The following PABPC1L variants were observed in gnomAD, a reference collection of about 807,000 sequenced individuals.
PABPC1L encodes polyadenylate-binding protein 1-like.
Under a neutral mutation model 66.6 loss-of-function variants are expected in PABPC1L, and 31 were observed. The ratio of observed to expected loss-of-function variants is 0.47; its 90% CI spans 0.35 to 0.63. The LOEUF (loss-of-function observed/expected upper bound fraction) is 0.63. Among genes scored for constraint, PABPC1L ranks in the 20% least tolerant of loss-of-function variants. The pLI is 0.00. For synonymous variants in PABPC1L, 348 were observed against 335.1 expected (o/e 1.04, Z -0.42); for missense variants, 722 against 848.8 (o/e 0.85, Z 1.86).
intron 12 of PABPC1L, among the ~76,000 whole-genome samples, chr20:44,937,657 C>T (rs1258675636): frequency 6.6e-6 from 1 of 152,188 alleles, no homozygotes; most frequent in Admixed American, 6.5e-5. Flanking sequence ...TCAGGTGATC[C>T]ACCCACCTCA....
In PABPC1L at chr20:44,919,185, A is replaced by G; in HGVS notation, c.646A>G (p.Lys216Glu). 1.9e-6 allele frequency: 3 copies of G among 1,614,134 alleles called. No homozygotes were observed. Among genetic ancestry groups the G allele is most frequent in the Non-Finnish European group, 2.5e-6 (3 of 1,180,028 alleles). Residue 216 changes from lysine (K) to glutamate (E), a missense_variant and splice_region_variant, in exon 5 of 15, where the codon AAA (lysine) becomes GAA (glutamate). Lys to Glu is a moderately conservative substitution (Grantham distance 56, BLOSUM62 1). Coordinates refer to ENST00000217073, the MANE Select transcript of PABPC1L (RefSeq NM_001372179.1). ...GLQDLFSQFG[K>E]MLSVKVMRDN... ...TGAGCCAGGTTGGTCCTTTGCAGGG[A>G]AAATGCTGAGTGTGAAGGTGATGAG...
At chr20:44,911,765 AGT>A (rs1198889667) in intron 1 of PABPC1L, among the ~76,000 whole-genome samples, 1 of 152,162 alleles carries the variant, frequency 6.6e-6, no homozygotes, top group Non-Finnish European at 1.5e-5. Context: ...CTGTGAATGA[AGT>A]GGGACTCGGC....
chr20:44,938,831 G>C lies in PABPC1L; in HGVS notation c.*6+83G>C, dbSNP rs371115482. 1.7e-4 allele frequency: 230 copies of C among 1,344,120 alleles called. 1 individual carries two copies. The highest frequency in any genetic ancestry group is 1.1e-3 in the Admixed American group (54 of 50,158). 83.3% of individuals were successfully genotyped at this position (1,344,120 alleles called of 1,614,324 possible). A position where few individuals can be genotyped will look rare whatever the true frequency, so the allele number is the denominator to read the frequency against. On this transcript the variant is annotated intron_variant, in intron 14 of 14. Coordinates refer to ENST00000217073, the MANE Select transcript of PABPC1L (RefSeq NM_001372179.1). ...AGGGACTGACTTTCACAAACACTGA[G>C]AATTGCGCCGTGTTCCTGGCTTTCT...
rs1274514424 is a variant in PABPC1L at position 44,910,136 on chromosome 20, T to G, written c.-8T>G. ...TGCTTGCCCCGCAGCCCCGGCCCCC[T>G]GCCCACCATGAACGCCAGCGGTTCT... On this transcript the variant is annotated 5_prime_UTR_variant, in exon 1 of 15. Coordinates refer to ENST00000217073, the MANE Select transcript of PABPC1L (RefSeq NM_001372179.1). 11 of 1,554,754 alleles carry G rather than the reference T, an allele frequency of 7.1e-6. No homozygotes were observed. The highest frequency in any genetic ancestry group is 8.7e-6 in the Non-Finnish European group (10 of 1,149,614).
Position 44,933,055 on chromosome 20 carries a change from A to T in PABPC1L, c.1331-2A>T. On this transcript the variant is annotated splice_acceptor_variant, in intron 9 of 14. Coordinates refer to ENST00000217073, the MANE Select transcript of PABPC1L (RefSeq NM_001372179.1). LOFTEE classifies it high-confidence loss of function. ...CTCTCTCTGTGGTGTCTGCACCACA[A>T]GCTGCCTACCCTCCAGGTGCCTCAA... The T allele has an allele frequency of 1.3e-6, 2 of 1,569,720 alleles. No individual in the cohort carries two copies. Among genetic ancestry groups the T allele is most frequent in the African/African-American group, 2.7e-5 (2 of 74,364 alleles).
At chr20:44,916,955 A>G in intron 3 of PABPC1L, 84 bp downstream of exon 3, 1 of 1,335,164 alleles carries the variant, frequency 7.5e-7, no homozygotes, top group Non-Finnish European at 1.1e-6. Context: ...GCTACCCTCA[A>G]GCTGCTAATG....
chr20:44,937,067 G>GCT, intron 12 of PABPC1L: 4 of 482,050 alleles, frequency 8.3e-6, no homozygotes, highest in South Asian at 6.2e-5. Context: ...TGGCTTGTAG[G>GCT]TGGGGGGTTA....
chr20:44,921,497 C>A, intron 5 of PABPC1L, 97 bp from the exon 6 acceptor site: 1 of 1,515,826 alleles, frequency 6.6e-7, no homozygotes, highest in Non-Finnish European at 8.9e-7. Context: ...GTGTGGCCAG[C>A]CTGGTTTGCA....
chr20:44,930,361 G>A (rs13045314), intron 7 of PABPC1L, 99 bp from the exon 8 acceptor site: 39,550 of 1,465,274 alleles, frequency 0.027, 645 homozygotes, highest in Non-Finnish European at 0.029. Flanking sequence ...TCGCGGGCCT[G>A]CCCAGTGCTG....
chr20:44,914,511 CA>C (rs1220958092), intron 2 of PABPC1L, among the ~76,000 whole-genome samples: 8 of 152,160 alleles, frequency 5.3e-5, no homozygotes, highest in African/African-American at 1.9e-4. Context: ...CCTGGCATGT[CA>C]GAACTTTTAT....
chr20:44,932,527 T>C, intron 9 of PABPC1L, 95 bp downstream of exon 9: 2 of 1,123,678 alleles, frequency 1.8e-6, no homozygotes, highest in East Asian at 2.5e-5. Context: ...GCTCTGCCAC[T>C]TCCCAAGGTG....
chr20:44,924,861 A>C (rs570719929), intron 7 of PABPC1L, among the ~76,000 whole-genome samples: 3 of 151,938 alleles, frequency 2.0e-5, no homozygotes, highest in Non-Finnish European at 4.4e-5. Flanking sequence ...CACACACCTC[A>C]GTCAGGCATA....
intron 10 of PABPC1L, among the ~76,000 whole-genome samples, chr20:44,934,329 A>G (rs2066884401): frequency 6.6e-6 from 1 of 152,214 alleles, no homozygotes; most frequent in Non-Finnish European, 1.5e-5. Context: ...GGTAAAATAC[A>G]CATAACAAAA....
intron 7 of PABPC1L, among the ~76,000 whole-genome samples, chr20:44,927,054 A>T (rs540694656): frequency 1.4e-4 from 21 of 150,050 alleles, no homozygotes; most frequent in East Asian, 1.0e-3. Flanking sequence ...TTAAAAAAAA[A>T]TTTTTTTTTG....
chr20:44,924,294 C>T, intron 7 of PABPC1L, 38 bp downstream of exon 7: 2 of 1,472,702 alleles, frequency 1.4e-6, no homozygotes, highest in East Asian at 2.3e-5. Flanking sequence ...CAGCGTTCCC[C>T]TCCATCCTCT....
chr20:44,937,313 G>A (rs751729063), intron 12 of PABPC1L: 7 of 271,776 alleles, frequency 2.6e-5, no homozygotes, highest in Non-Finnish European at 5.1e-5. Flanking sequence ...CATGGCCCCC[G>A]AGACCTCCAG....
chr20:44,913,602 G>A (rs1211125409), intron 2 of PABPC1L, among the ~76,000 whole-genome samples: 1 of 152,008 alleles, frequency 6.6e-6, no homozygotes, highest in Non-Finnish European at 1.5e-5. Flanking sequence ...TGTATGTTTA[G>A]TGGAGACAGG....
At chr20:44,912,890 G>C in intron 2 of PABPC1L, 37 bp downstream of exon 2, 1 of 1,552,082 alleles carries the variant, frequency 6.4e-7, no homozygotes, top group East Asian at 2.3e-5. Flanking sequence ...GGGTAGATCG[G>C]TGTCAACTAC....
intron 9 of PABPC1L, 91 bp downstream of exon 9, chr20:44,932,523 C>A: frequency 8.4e-7 from 1 of 1,183,576 alleles, no homozygotes; most frequent in Non-Finnish European, 1.2e-6. Context: ...CCTGGCTCTG[C>A]CACTTCCCAA....
Sources: gnomAD v4.1 joint callset for allele counts (sites outside exome capture counted in the v4.1 genomes callset) on GRCh38, gnomAD v4.1.1 for gene constraint, MANE v1.5 for transcripts, NCBI Gene and HGNC (gene_info 2026-07-23, HGNC 2026-07-21) for gene names.